Variants in FBLN1 observed in about 807,000 individuals in gnomAD.
FBLN1 encodes fibulin 1, also known as fibulin-1.
In FBLN1, 34 loss-of-function variants were observed where a neutral mutation model predicts 89.7. The ratio of observed to expected loss-of-function variants is 0.38; its 90% CI spans 0.29 to 0.50. The LOEUF is 0.50. Among genes scored for constraint, FBLN1 ranks in the 20% least tolerant of loss-of-function variants. FBLN1 has a pLI of 0.92. For missense variants in FBLN1, 777 were observed against 988.1 expected (o/e 0.79, Z 2.86); for synonymous variants, 393 against 391.3 (o/e 1.00, Z -0.05).
chr22:45,503,262 G>A (rs1569228988), intron 1 of FBLN1, 198 bp downstream of exon 1: 1 of 322,838 alleles, frequency 3.1e-6, no homozygotes, highest in Non-Finnish European at 5.5e-6. Context: ...TCCCCGGCCT[G>A]GGGACTTGTT....
intron 1 of FBLN1, among the ~76,000 whole-genome samples, chr22:45,511,910 A>G (rs1455847379): frequency 1.3e-5 from 2 of 152,146 alleles, no homozygotes; most frequent in Non-Finnish European, 2.9e-5. Flanking sequence ...CTCTTGGTTT[A>G]TATCTAATAT....
intron 2 of FBLN1, 96 bp from the exon 3 acceptor site, chr22:45,525,447 G>T (rs2088313021): frequency 9.0e-7 from 1 of 1,113,306 alleles, no homozygotes; most frequent in Admixed American, 2.0e-5. Context: ...GCAGGGAAGG[G>T]GAGGCTCAAA....
chr22:45,573,182 C>T (rs556888986), intron 14 of FBLN1, among the ~76,000 whole-genome samples: 18 of 149,856 alleles, frequency 1.2e-4, no homozygotes, highest in East Asian at 2.0e-4. Flanking sequence ...GCTGAGATTG[C>T]GCCATTGTAC....
intron 1 of FBLN1, among the ~76,000 whole-genome samples, chr22:45,510,175 A>G (rs2088080085): frequency 6.6e-6 from 1 of 152,076 alleles, no homozygotes; most frequent in African/African-American, 2.4e-5. Flanking sequence ...TATCGTCACC[A>G]CTTCACAGAG....
At chr22:45,519,579 G>A (rs1022865490) in intron 2 of FBLN1, among the ~76,000 whole-genome samples, 2 of 148,394 alleles carry the variant, frequency 1.3e-5, no homozygotes, top group African/African-American at 2.5e-5. Flanking sequence ...AGCTGAGATC[G>A]CGCCACTGCA....
chr22:45,508,526 G>C (rs1000412144), intron 1 of FBLN1, among the ~76,000 whole-genome samples: 3 of 152,162 alleles, frequency 2.0e-5, no homozygotes, highest in African/African-American at 7.2e-5. Flanking sequence ...CTCCCAAAGT[G>C]CTGGAATTAC....
intron 16 of FBLN1, among the ~76,000 whole-genome samples, chr22:45,599,603 C>T (rs1288231669): frequency 6.6e-6 from 1 of 152,082 alleles, no homozygotes; most frequent in Non-Finnish European, 1.5e-5. Flanking sequence ...CATGCCAGGC[C>T]CTCTTCTAGG....
At position 45,539,192 on chromosome 22, in the gene FBLN1, T is replaced by C. The variant is rs1480262494; in HGVS notation, c.923-2037T>C. ...CTCCCTCCCCGCCTCCCCCTTTCCC[T>C]CCTTCTTTTCTTCTTTTTTTTTTTT... On this transcript the variant is annotated intron_variant, in intron 8 of 16. Coordinates refer to ENST00000327858, the MANE Select transcript of FBLN1 (RefSeq NM_006486.3). 8.0e-5 allele frequency among the ~76,000 whole-genome samples: 8 copies of C among 99,798 alleles called. No individual in the cohort carries two copies. In the South Asian group the frequency reaches 1.3e-3, roughly 16 times the overall value. The allele number at this position is 99,798 out of a possible 152,430, so 65.5% of individuals were successfully genotyped here.
intron 1 of FBLN1, among the ~76,000 whole-genome samples, chr22:45,506,533 C>T (rs2146934967): frequency 6.6e-6 from 1 of 152,208 alleles, no homozygotes; most frequent in African/African-American, 2.4e-5. Flanking sequence ...TCAGGGAAGA[C>T]TTCCCGGAGG....
chr22:45,536,470 G>A lies in FBLN1; in HGVS notation c.922+1133G>A, dbSNP rs941752741. 3.3e-5 allele frequency among the ~76,000 whole-genome samples: 5 copies of A among 152,198 alleles called. No individual in the cohort carries two copies. The highest frequency in any genetic ancestry group is 3.4e-3 in the Middle Eastern group (1 of 294). ...GTTCACATGTAGTTCACCACAATGA[G>A]AAAAGAAACTCTGGCCAGGCACGGT... On this transcript the variant is annotated intron_variant, in intron 8 of 16. Transcript: ENST00000327858. The surrounding 1 kb of genome is among the most constrained non-coding windows in gnomAD (Gnocchi z 5.1).
In FBLN1 at chr22:45,579,471, C is replaced by A. The variant is rs529211057; in HGVS notation, c.1972+2363C>A. Among the ~76,000 whole-genome samples, 20 of 152,262 alleles carry A rather than the reference C, an allele frequency of 1.3e-4. No homozygotes were observed. The highest frequency in any genetic ancestry group is 2.8e-4 in the Non-Finnish European group (19 of 68,044). On this transcript the variant is annotated intron_variant, in intron 16 of 16. Transcript: ENST00000327858. This position sits in a 1 kb window ranked among gnomAD's most constrained non-coding sequence, Gnocchi z 5.5. ...AAGGACCCAGCGGCTTCCCCCGGCA[C>A]AGTTGGTCACGGGTGCCCTGGTCTT...
Position 45,525,668 on chromosome 22 carries a change from C to T in FBLN1, c.311C>T (p.Thr104Ile), listed in dbSNP as rs753155232. Reference protein sequence around the residue: ...PHGDNASLEATFVKRCCHCCL... With the variant: ...PHGDNASLEAIFVKRCCHCCL... ...GGTGACAACGCCAGCCTGGAGGCCA[C>T]ATTTGTGAAGGTGAGAGCCAAAGAC... The change falls in exon 3 of 17, where the codon ACA (threonine) becomes ATA (isoleucine). Residue 104 changes from threonine to isoleucine, a missense_variant. Physicochemically the swap from Thr to Ile is moderately conservative, Grantham distance 89. Transcript: ENST00000327858. The T allele has an allele frequency of 1.9e-6, 3 of 1,551,500 alleles. No individual in the cohort carries two copies. Among genetic ancestry groups the T allele is most frequent in the Admixed American group, 2.0e-5 (1 of 51,034 alleles).
intron 1 of FBLN1, among the ~76,000 whole-genome samples, chr22:45,513,647 C>T (rs1602162566): frequency 6.6e-6 from 1 of 152,292 alleles, no homozygotes; most frequent in South Asian, 2.1e-4. Context: ...GTCCTCTCCC[C>T]CGAAGCCTGT....
At chr22:45,539,656 A>G (rs1317734201) in intron 8 of FBLN1, among the ~76,000 whole-genome samples, 1 of 152,232 alleles carries the variant, frequency 6.6e-6, no homozygotes, top group African/African-American at 2.4e-5. Flanking sequence ...GGACCTTGGT[A>G]GCTTGGGCTT....
chr22:45,567,477 G>A (rs977670432), intron 14 of FBLN1, among the ~76,000 whole-genome samples: 3 of 152,170 alleles, frequency 2.0e-5, no homozygotes, highest in African/African-American at 7.2e-5. Context: ...TTAGCTGGTC[G>A]TGGTGGTACA....
At chr22:45,596,871 C>T (rs1461635147) in intron 16 of FBLN1, among the ~76,000 whole-genome samples, 2 of 78,862 alleles carry the variant, frequency 2.5e-5, no homozygotes, top group Middle Eastern at 7.9e-3. Context: ...ACACTTTAAA[C>T]TATTTAAAAT....
At chr22:45,573,608 G>A (rs1186259191) in intron 14 of FBLN1, among the ~76,000 whole-genome samples, 1 of 151,194 alleles carries the variant, frequency 6.6e-6, no homozygotes, top group Non-Finnish European at 1.5e-5. Flanking sequence ...TTGAACCTGG[G>A]AGGCGGAGGT....
chr22:45,522,666 T>C (rs2088266841), intron 2 of FBLN1, among the ~76,000 whole-genome samples: 1 of 152,242 alleles, frequency 6.6e-6, no homozygotes, highest in Non-Finnish European at 1.5e-5. Context: ...ATGAATCATC[T>C]TGACTCTAGG....
At position 45,576,960 on chromosome 22, in the gene FBLN1, A is replaced by G. The variant is rs371986539; in HGVS notation, c.1841-17A>G. The G allele has an allele frequency of 2.5e-6, 4 of 1,613,402 alleles. No individual in the cohort carries two copies. Among genetic ancestry groups the G allele is most frequent in the Middle Eastern group, 1.6e-4 (1 of 6,062 alleles). ...GCCAGGCTGTGCTGAGCCCTTCTCC[A>G]TTCTGTGCCTCTGCAGAGATCATCT... On this transcript the variant is annotated splice_polypyrimidine_tract_variant and intron_variant, in intron 15 of 16. Coordinates refer to ENST00000327858, the MANE Select transcript of FBLN1 (RefSeq NM_006486.3). The surrounding 1 kb of genome is among the most constrained non-coding windows in gnomAD (Gnocchi z 5.2).
Sources: gnomAD v4.1 joint callset for allele counts (sites outside exome capture counted in the v4.1 genomes callset) on GRCh38, gnomAD v4.1.1 for gene constraint, Gnocchi (gnomAD v3.1) non-coding constraint, MANE v1.5 for transcripts, NCBI Gene and HGNC (gene_info 2026-07-23, HGNC 2026-07-21) for gene names.